Variants in WDR75 observed in about 807,000 individuals in gnomAD.
WDR75 encodes WD repeat domain 75.
Under a neutral mutation model 106.1 loss-of-function variants are expected in WDR75, and 52 were observed. That is an observed-to-expected ratio of 0.49 (90% confidence interval 0.39 to 0.62). WDR75 has a LOEUF of 0.62. WDR75 is among the 20% of genes least tolerant of loss of function. The pLI is 0.00. For missense variants in WDR75, 905 were observed against 970.3 expected (o/e 0.93, Z 0.89); for synonymous variants, 333 against 335.5 (o/e 0.99, Z 0.08).
chr2:189,466,713 T>G (rs995221581), intron 13 of WDR75, 131 bp downstream of exon 13: 5 of 914,798 alleles, frequency 5.5e-6, no homozygotes, highest in African/African-American at 5.1e-5. Context: ...TGCTTAATCT[T>G]AATAGATTTA....
intron 15 of WDR75, 43 bp downstream of exon 15, chr2:189,468,612 AG>A: frequency 6.3e-7 from 1 of 1,591,364 alleles, no homozygotes; most frequent in Non-Finnish European, 8.6e-7. Flanking sequence ...AAAGCGCATA[AG>A]GAGTTGACAT....
intron 18 of WDR75, 85 bp from the exon 19 acceptor site, chr2:189,474,101 T>G: frequency 7.2e-7 from 1 of 1,381,824 alleles, no homozygotes; most frequent in South Asian, 1.5e-5. Flanking sequence ...CCAGACTTTT[T>G]ATGATTCTGT....
At chr2:189,447,459 A>G (rs1217350508) in intron 1 of WDR75, among the ~76,000 whole-genome samples, 1 of 152,198 alleles carries the variant, frequency 6.6e-6, no homozygotes, top group Non-Finnish European at 1.5e-5. Context: ...AGAACCTTTG[A>G]CTTACCATTT....
At chr2:189,457,008 G>A (rs1231765419) in intron 5 of WDR75, among the ~76,000 whole-genome samples, 3 of 152,054 alleles carry the variant, frequency 2.0e-5, no homozygotes, top group Non-Finnish European at 4.4e-5. Context: ...TTGGGAGGCC[G>A]AGGCAGGCGG....
At chr2:189,455,805 T>A (rs748433024) in intron 5 of WDR75, among the ~76,000 whole-genome samples, 2 of 152,032 alleles carry the variant, frequency 1.3e-5, no homozygotes, top group Non-Finnish European at 2.9e-5. Context: ...ATCTCACCAG[T>A]GATAATTGAA....
chr2:189,449,155 C>A (rs1686563586), intron 2 of WDR75: 2 of 917,644 alleles, frequency 2.2e-6, no homozygotes, highest in South Asian at 1.4e-5. Flanking sequence ...TAATTCTGTT[C>A]TTAAGTTTCG....
chr2:189,444,539 C>T (rs909598797), intron 1 of WDR75, among the ~76,000 whole-genome samples: 8 of 152,024 alleles, frequency 5.3e-5, no homozygotes, highest in African/African-American at 1.9e-4. Context: ...AATGAGTCAT[C>T]CTTGCCTTTC....
At chr2:189,450,051 G>C in intron 2 of WDR75, 1 of 983,564 alleles carries the variant, frequency 1.0e-6, no homozygotes, top group Non-Finnish European at 1.2e-6. Flanking sequence ...CCAAAGTATG[G>C]TCCACAGACC....
At chr2:189,448,657 C>A in intron 2 of WDR75, 149 bp downstream of exon 2, 2 of 975,066 alleles carry the variant, frequency 2.1e-6, no homozygotes, top group Non-Finnish European at 1.6e-6. Flanking sequence ...TGCTAAATTA[C>A]ATTGCCTATA....
At chr2:189,449,382 T>A in intron 2 of WDR75, 1 of 1,286,426 alleles carries the variant, frequency 7.8e-7, no homozygotes, top group Admixed American at 2.4e-5. Flanking sequence ...GTTAAGTAAC[T>A]TTTCTACGGG....
intron 16 of WDR75, 108 bp downstream of exon 16, chr2:189,469,547 A>G: frequency 2.2e-6 from 2 of 894,186 alleles, no homozygotes; most frequent in Non-Finnish European, 3.5e-6. Context: ...ATTGGAAGCC[A>G]TTTTGCTTGA....
intron 18 of WDR75, among the ~76,000 whole-genome samples, chr2:189,472,635 T>A (rs971018123): frequency 6.6e-6 from 1 of 152,186 alleles, no homozygotes; most frequent in African/African-American, 2.4e-5. Flanking sequence ...CAGAGTCTGA[T>A]GATTCTTGGC....
chr2:189,455,182 A>G (rs1686706594), intron 4 of WDR75, 138 bp from the exon 5 acceptor site: 3 of 941,670 alleles, frequency 3.2e-6, no homozygotes, highest in Non-Finnish European at 1.5e-6. Context: ...CAGAGGTTGC[A>G]GTGAGCCGAG....
intron 7 of WDR75, among the ~76,000 whole-genome samples, chr2:189,459,084 A>T (rs912460461): frequency 6.6e-6 from 1 of 152,160 alleles, no homozygotes; most frequent in African/African-American, 2.4e-5. Context: ...ATTGAAGAAA[A>T]CTTTTTGTTT....
At chr2:189,467,880 T>C (rs943449084) in intron 14 of WDR75, among the ~76,000 whole-genome samples, 1 of 152,190 alleles carries the variant, frequency 6.6e-6, no homozygotes, top group African/African-American at 2.4e-5. Flanking sequence ...TTTGGAATAC[T>C]TTCATGGATG....
chr2:189,455,543 T>G, intron 5 of WDR75, 99 bp downstream of exon 5: 2 of 1,416,294 alleles, frequency 1.4e-6, no homozygotes, highest in South Asian at 2.8e-5. Flanking sequence ...TATATTCCCT[T>G]GAATTACTAT....
chr2:189,468,408 C>T (rs1011391752), intron 14 of WDR75, 67 bp from the exon 15 acceptor site: 35 of 1,430,888 alleles, frequency 2.4e-5, no homozygotes, highest in Non-Finnish European at 3.4e-5. Flanking sequence ...CGCTGGAAGC[C>T]TGCAGTTCTT....
At chr2:189,459,273 C>A in intron 7 of WDR75, 63 bp from the exon 8 acceptor site, 2 of 1,179,384 alleles carry the variant, frequency 1.7e-6, no homozygotes, top group Non-Finnish European at 1.2e-6. Flanking sequence ...TTGTATTTGG[C>A]ATGCCATTGT....
In WDR75 at chr2:189,473,151, C is replaced by T. The variant is rs149326901; in HGVS notation, c.2050-1035C>T. 3.5e-3 allele frequency among the ~76,000 whole-genome samples: 532 copies of T among 151,700 alleles called. 6 individuals carry two copies. Among genetic ancestry groups the T allele is most frequent in the African/African-American group, 0.012 (494 of 41,326 alleles). ...AGAATCACTGGAACCTGGGAGATGG[C>T]GGTTGCAGTGAGCCTAGGTCACACC... On this transcript the variant is annotated intron_variant, in intron 18 of 20. Coordinates refer to ENST00000314761, the MANE Select transcript of WDR75 (RefSeq NM_032168.3).
Sources: allele counts gnomAD v4.1 joint callset (sites outside exome capture counted in the v4.1 genomes callset), GRCh38; gene constraint gnomAD v4.1.1; transcripts MANE v1.5; gene names NCBI Gene and HGNC (gene_info 2026-07-23, HGNC 2026-07-21).